Variants in HDX observed in about 807,000 individuals in gnomAD.
The protein encoded by HDX is chromosome X open reading frame 43.
HDX carries 19 observed loss-of-function variants against 45.2 expected under a neutral mutation model. That is an observed-to-expected ratio of 0.42 (90% CI 0.29 to 0.62). The LOEUF (loss-of-function observed/expected upper bound fraction) is 0.62. Among genes scored for constraint, HDX ranks in the 20% least tolerant of loss-of-function variants. HDX has a pLI of 0.20. For missense variants in HDX, 532 were observed against 493.9 expected, an observed-to-expected ratio of 1.08 and a Z score of -0.73; for synonymous variants, 188 against 172.8, an observed-to-expected ratio of 1.09 and a Z score of -0.69.
At chrX:84,397,260 G>A (rs1000797515) in intron 5 of HDX, among the ~76,000 whole-genome samples, 2 of 111,936 alleles carry the variant, frequency 1.8e-5, no homozygotes, top group Non-Finnish European at 3.8e-5. Context: ...GGATGTCAGT[G>A]AAGCTCCAGG....
intron 2 of HDX, among the ~76,000 whole-genome samples, chrX:84,478,120 T>C (rs886210336): frequency 5.3e-5 from 6 of 112,211 alleles, no homozygotes; most frequent in African/African-American, 1.9e-4. Flanking sequence ...TGAACTCATT[T>C]GTGTTAAGTT....
chrX:84,350,492 A>G (rs748657451), intron 6 of HDX, among the ~76,000 whole-genome samples: 1 of 111,570 alleles, frequency 9.0e-6, no homozygotes, highest in South Asian at 3.7e-4. Context: ...TGCTTCACAT[A>G]TTTTGTAGTT....
chrX:84,424,379 A>G (rs2039336956), intron 5 of HDX, among the ~76,000 whole-genome samples: 1 of 110,924 alleles, frequency 9.0e-6, no homozygotes, highest in Non-Finnish European at 1.9e-5. Context: ...TAATGTGTAC[A>G]TAATCCCCAA....
At chrX:84,344,550 T>C in intron 6 of HDX, 93 bp from the exon 7 acceptor site, 1 of 562,376 alleles carries the variant, frequency 1.8e-6, no homozygotes, top group Admixed American at 3.1e-5. Context: ...GCATAAAATA[T>C]GATTTAAAGG....
In HDX at chrX:84,428,308, G is replaced by C. The variant is rs1307135700; in HGVS notation, c.1305+12224C>G. ...ATATAACACAATTTTCCCATTTCAA[G>C]GGTACAATTCAATTATTTTTAATAA... On this transcript the variant is annotated intron_variant, in intron 5 of 10. Transcript: ENST00000373177. 3.6e-5 allele frequency among the ~76,000 whole-genome samples: 4 copies of C among 110,363 alleles called. No individual in the cohort carries two copies. The East Asian group carries it at 1.1e-3, about 31-fold the overall frequency.
At chrX:84,439,792 C>T (rs1011556802) in intron 5 of HDX, among the ~76,000 whole-genome samples, 27 of 110,988 alleles carry the variant, frequency 2.4e-4, no homozygotes, top group African/African-American at 8.8e-4. Context: ...ATGCTGTGTT[C>T]GTTACTGTAG....
chrX:84,486,165 AT>A (rs200952636), intron 2 of HDX, among the ~76,000 whole-genome samples: 56 of 108,713 alleles, frequency 5.2e-4, no homozygotes, highest in Non-Finnish European at 8.1e-4. Flanking sequence ...TTCTGTTTTA[AT>A]TTTTTTTTGC....
At chrX:84,471,439 A>T (rs1001766166) in intron 3 of HDX, among the ~76,000 whole-genome samples, 3 of 106,043 alleles carry the variant, frequency 2.8e-5, no homozygotes, top group Non-Finnish European at 5.8e-5. Context: ...TTTATATATT[A>T]TATATATATA....
rs139589120 is a variant in HDX at position 84,417,721 on chromosome X, G to A, written c.1305+22811C>T. Among the ~76,000 whole-genome samples, 64 of 111,702 alleles carry A rather than the reference G, an allele frequency of 5.7e-4. No individual in the cohort carries two copies. The East Asian group carries it at 0.017, about 30-fold the overall frequency. ...AAGAGTAAGAGAGGAGTGAAACATG[G>A]CTTCTATGTTTTTGGCCTTTCAGTG... On this transcript the variant is annotated intron_variant, in intron 5 of 10. Transcript: ENST00000373177.
chrX:84,477,616 A>G (rs2040583052), intron 2 of HDX, among the ~76,000 whole-genome samples: 1 of 111,574 alleles, frequency 9.0e-6, no homozygotes, highest in Non-Finnish European at 1.9e-5. Flanking sequence ...CAACTAGATG[A>G]CCCCATTTGA....
At chrX:84,442,841 A>G (rs2039791350) in intron 4 of HDX, among the ~76,000 whole-genome samples, 1 of 111,626 alleles carries the variant, frequency 9.0e-6, no homozygotes, top group Non-Finnish European at 1.9e-5. Context: ...AATGAATTAC[A>G]AACAAAACAA....
intron 5 of HDX, among the ~76,000 whole-genome samples, chrX:84,373,914 T>C (rs1286054643): frequency 4.6e-5 from 5 of 109,411 alleles, no homozygotes; most frequent in African/African-American, 1.7e-4. Flanking sequence ...GCCAGGGCAA[T>C]TAGGCAGAAG....
At chrX:84,425,155 A>G (rs1259930984) in intron 5 of HDX, among the ~76,000 whole-genome samples, 1 of 111,965 alleles carries the variant, frequency 8.9e-6, no homozygotes, top group Non-Finnish European at 1.9e-5. Flanking sequence ...AAAATGGCAA[A>G]AGATTTGAGT....
chrX:84,349,041 A>T (rs1036873692), intron 6 of HDX, among the ~76,000 whole-genome samples: 3 of 111,199 alleles, frequency 2.7e-5, no homozygotes, highest in African/African-American at 6.5e-5. Context: ...ATGATTGTAC[A>T]CCCTGGAATT....
chrX:84,443,793 C>G (rs1041984169), intron 4 of HDX, among the ~76,000 whole-genome samples: 1 of 112,030 alleles, frequency 8.9e-6, no homozygotes, highest in African/African-American at 3.2e-5. Context: ...TGTGAAAGAA[C>G]TTCAAAAACT....
intron 5 of HDX, among the ~76,000 whole-genome samples, chrX:84,363,114 G>A (rs1035473274): frequency 5.4e-5 from 6 of 111,640 alleles, no homozygotes; most frequent in Admixed American, 3.8e-4. Flanking sequence ...ATGAGTAACA[G>A]TTATTGTAAG....
chrX:84,381,253 A>C (rs1177874556), intron 5 of HDX, among the ~76,000 whole-genome samples: 1 of 111,464 alleles, frequency 9.0e-6, no homozygotes, highest in Non-Finnish European at 1.9e-5. Context: ...AATAATCAAT[A>C]ATGTTAAAAT....
intron 7 of HDX, among the ~76,000 whole-genome samples, chrX:84,341,943 G>A (rs752200871): frequency 9.0e-6 from 1 of 110,926 alleles, no homozygotes; most frequent in Non-Finnish European, 1.9e-5. Context: ...TTCTGTTTCT[G>A]AATGTTCTTT....
intron 4 of HDX, among the ~76,000 whole-genome samples, chrX:84,441,264 C>A (rs946881508): frequency 2.7e-5 from 3 of 111,376 alleles, no homozygotes; most frequent in Admixed American, 9.5e-5. Context: ...AGGGCTTTAC[C>A]ACAAAGCAAG....
Sources: gnomAD v4.1 joint callset for allele counts (sites outside exome capture counted in the v4.1 genomes callset) on GRCh38, gnomAD v4.1.1 for gene constraint, MANE v1.5 for transcripts, NCBI Gene and HGNC (gene_info 2026-07-23, HGNC 2026-07-21) for gene names.